Variants in NT5C1B observed in about 807,000 individuals in gnomAD.
NT5C1B encodes the protein 5'-nucleotidase, cytosolic IB.
Under a neutral mutation model 57.8 loss-of-function variants are expected in NT5C1B, and 44 were observed. The ratio of observed to expected loss-of-function variants is 0.76; its 90% confidence interval spans 0.60 to 0.98. NT5C1B has a LOEUF of 0.98. Ranked by LOEUF, NT5C1B falls within the 50% of genes least tolerant of loss-of-function variation. NT5C1B has a pLI of 0.00. For missense variants in NT5C1B, 742 were observed against 719.5 expected (o/e 1.03, Z -0.36); for synonymous variants, 284 against 282.6 (o/e 1.00, Z -0.05).
At chr2:18,586,170 G>A (rs1666688937) in intron 3 of NT5C1B, 84 bp downstream of exon 3, 2 of 1,551,584 alleles carry the variant, frequency 1.3e-6, no homozygotes, top group South Asian at 1.2e-5. Context: ...ACATAAACAG[G>A]GCCTGGCACG....
chr2:18,585,536 C>T (rs1666622937), intron 3 of NT5C1B, among the ~76,000 whole-genome samples: 1 of 152,166 alleles, frequency 6.6e-6, no homozygotes, highest in East Asian at 1.9e-4. Flanking sequence ...GAGACTGGAG[C>T]ATCTCCCCAG....
intron 3 of NT5C1B, among the ~76,000 whole-genome samples, chr2:18,586,032 C>T (rs1205842225): frequency 1.3e-5 from 2 of 152,230 alleles, no homozygotes; most frequent in South Asian, 2.1e-4. Context: ...TTAATGCTAG[C>T]TCTACCACTT....
At chr2:18,573,568 G>A (rs1665404117) in intron 8 of NT5C1B, among the ~76,000 whole-genome samples, 1 of 151,970 alleles carries the variant, frequency 6.6e-6, no homozygotes, top group Admixed American at 6.6e-5. Flanking sequence ...CTACATTGGA[G>A]ATTGGAGGCT....
At chr2:18,585,225 ATTTG>A in intron 3 of NT5C1B, 1 of 756,638 alleles carries the variant, frequency 1.3e-6, no homozygotes, top group Non-Finnish European at 2.4e-6. Flanking sequence ...ACACGTTTTT[ATTTG>A]TTTGGAGTAG....
At chr2:18,571,656 A>G (rs1665167010) in intron 8 of NT5C1B, among the ~76,000 whole-genome samples, 1 of 137,356 alleles carries the variant, frequency 7.3e-6, no homozygotes, top group Admixed American at 7.4e-5. Context: ...AAACTTCTTA[A>G]ATCTATATGA....
At chr2:18,587,290 C>T in intron 2 of NT5C1B, 2 of 1,483,846 alleles carry the variant, frequency 1.3e-6, no homozygotes, top group Non-Finnish European at 1.8e-6. Context: ...GCTGTGGTTC[C>T]ACACATTCGA....
In NT5C1B at chr2:18,564,024, C is replaced by G. The variant is rs984281105; in HGVS notation, c.1425G>C (p.Leu475=). 5 of 1,613,954 alleles carry G rather than the reference C, an allele frequency of 3.1e-6. No individual in the cohort carries two copies. In the African/African-American group the frequency reaches 6.7e-5, roughly 22 times the overall value. The change falls in exon 9 of 9, where the codon CTG becomes CTC. Residue 475 remains leucine, a synonymous_variant. Transcript: ENST00000304081. ...AACTGGCTGCACTCCTAGCTGTAACCAGGTAGGTCCTGATAGGACAAAGTA... is the reference window on the plus strand; with the variant it reads ...AACTGGCTGCACTCCTAGCTGTAACGAGGTAGGTCCTGATAGGACAAAGTA...
chr2:18,571,718 GTATATATATATATATA>G (rs59799495), intron 8 of NT5C1B, among the ~76,000 whole-genome samples: 12,192 of 111,182 alleles, frequency 0.11, 882 homozygotes, highest in Non-Finnish European at 0.14. Flanking sequence ...CTGTGTGTGT[GTATATATATATATATA>G]TATATATATA....
chr2:18,584,557 C>T lies in NT5C1B; in HGVS notation c.680G>A (p.Arg227Lys). 6.2e-7 allele frequency: 1 copy of T among 1,612,724 alleles called. No homozygotes were observed. The highest frequency in any genetic ancestry group is 1.3e-5 in the African/African-American group (1 of 75,004). ...GCTCGGGTTCTTCTCGTAGAACGAC[C>T]TCATGGATGCCCAGTAGGCAGCCTC... The change falls in exon 4 of 9, where the codon AGG becomes AAG. Residue 227 changes from arginine (R) to lysine (K), a missense_variant. Coordinates refer to ENST00000304081, the Ensembl canonical transcript of NT5C1B. The surrounding 1 kb of genome is among the most constrained non-coding windows in gnomAD (Gnocchi z 5.8).
intron 8 of NT5C1B, among the ~76,000 whole-genome samples, chr2:18,573,903 A>C (rs2148118633): frequency 6.6e-6 from 1 of 152,302 alleles, no homozygotes; most frequent in South Asian, 2.1e-4. Context: ...TCCTGCAATA[A>C]GTAGGGTTGG....
exon 9 of NT5C1B, chr2:18,564,015 A>G (rs954335857): frequency 6.2e-7 from 1 of 1,614,170 alleles, no homozygotes; most frequent in South Asian, 1.1e-5. Flanking sequence ...CTGCACTCCT[A>G]GCTGTAACCA....
Position 18,589,429 on chromosome 2 carries a change from G to A in NT5C1B, c.30+10C>T. 1.2e-6 allele frequency: 2 copies of A among 1,613,988 alleles called. No individual in the cohort carries two copies. The highest frequency in any genetic ancestry group is 1.1e-5 in the South Asian group (1 of 91,076). On this transcript the variant is annotated intron_variant, in intron 1 of 8. Transcript: ENST00000304081. ...CCATGGCAAGATTCTAAGACACTCG[G>A]TTCACTCACCTTTTTCTGTTTGAGA...
At chr2:18,580,507 C>T (rs1356409463) in intron 6 of NT5C1B, among the ~76,000 whole-genome samples, 3 of 152,026 alleles carry the variant, frequency 2.0e-5, no homozygotes, top group Non-Finnish European at 2.9e-5. Flanking sequence ...CCCAGCTACT[C>T]GGGAGGCTGA....
rs1666477476 is a variant in NT5C1B at position 18,584,397 on chromosome 2, T to G, written c.723+117A>C. On this transcript the variant is annotated intron_variant, in intron 4 of 8. Coordinates refer to ENST00000304081, the Ensembl canonical transcript of NT5C1B. The surrounding 1 kb of genome is among the most constrained non-coding windows in gnomAD (Gnocchi z 5.8). ...TGCTGGAGACAGCTGAGGCTGGGAC[T>G]CCCCGAAGTTTGGGGAGGAGAAGCG... 1 of 1,523,678 alleles carries G rather than the reference T, an allele frequency of 6.6e-7. No homozygotes were observed. Among genetic ancestry groups the G allele is most frequent in the South Asian group, 1.3e-5 (1 of 79,354 alleles). The allele number at this position is 1,523,678 out of a possible 1,614,324, so 94.4% of individuals were successfully genotyped here.
chr2:18,572,205 T>C (rs536467306), intron 8 of NT5C1B, among the ~76,000 whole-genome samples: 2 of 151,588 alleles, frequency 1.3e-5, no homozygotes, highest in African/African-American at 4.8e-5. Flanking sequence ...TTTCAACAAA[T>C]AATGCTTGAA....
intron 6 of NT5C1B, among the ~76,000 whole-genome samples, chr2:18,580,172 T>G (rs941878119): frequency 6.6e-6 from 1 of 152,214 alleles, no homozygotes; most frequent in Admixed American, 6.5e-5. Context: ...CGAACACTTA[T>G]ATGCTGCTTT....
At chr2:18,581,136 G>A (rs190605551) in intron 6 of NT5C1B, among the ~76,000 whole-genome samples, 8 of 152,212 alleles carry the variant, frequency 5.3e-5, no homozygotes, top group Admixed American at 5.2e-4. Context: ...AAAAACACTG[G>A]CTGTTTGTAA....
chr2:18,584,514 C>A lies in NT5C1B; in HGVS notation c.723G>T (p.Pro241=). The A allele has an allele frequency of 1.9e-6, 3 of 1,607,744 alleles. No homozygotes were observed. The highest frequency in any genetic ancestry group is 3.5e-4 in the Middle Eastern group (2 of 5,754). ...TGCCAGGGGCGGCGGGCTGGCTCAC[C>A]GGCCAGGGGCGCGAGCAGCTCGGGT... The change falls in exon 4 of 9, where the codon CCG becomes CCT. Residue 241 remains proline (P), a splice_region_variant and synonymous_variant. Transcript: ENST00000304081. This position sits in a 1 kb window ranked among gnomAD's most constrained non-coding sequence, Gnocchi z 5.8.
chr2:18,587,079 G>A (rs1280068603), intron 2 of NT5C1B: 3 of 1,613,902 alleles, frequency 1.9e-6, no homozygotes, highest in East Asian at 2.2e-5. Context: ...GCCAAGGGCT[G>A]TTCCCTCAGC....
Sources: gnomAD v4.1 joint callset for allele counts (sites outside exome capture counted in the v4.1 genomes callset) on GRCh38, gnomAD v4.1.1 for gene constraint, Gnocchi (gnomAD v3.1) non-coding constraint, MANE v1.5 for transcripts, NCBI Gene and HGNC (gene_info 2026-07-23, HGNC 2026-07-21) for gene names.